BCAS3: variants seen among roughly 807,000 people sequenced by gnomAD.
BCAS3 encodes the protein BCAS3 microtubule associated cell migration factor.
In BCAS3, 53 loss-of-function variants were observed where a neutral mutation model predicts 116.1. That is an observed-to-expected ratio of 0.46 (90% CI 0.37 to 0.57). BCAS3 has a LOEUF of 0.57. BCAS3 is among the 20% of genes least tolerant of loss of function. BCAS3 has a pLI of 0.00. For synonymous variants in BCAS3, 391 were observed against 408.2 expected, an observed-to-expected ratio of 0.96 and a Z score of 0.51; for missense variants, 917 against 1,165.4, an observed-to-expected ratio of 0.79 and a Z score of 3.10.
chr17:60,978,571 C>T (rs904878033), intron 14 of BCAS3, among the ~76,000 whole-genome samples: 1 of 151,288 alleles, frequency 6.6e-6, no homozygotes, highest in African/African-American at 2.4e-5. Context: ...ACATGAAGTC[C>T]TTGCCCATGC....
At chr17:61,207,241 G>A (rs946831674) in intron 22 of BCAS3, among the ~76,000 whole-genome samples, 20 of 151,858 alleles carry the variant, frequency 1.3e-4, no homozygotes, top group African/African-American at 4.8e-4. Flanking sequence ...CCAGCCTATG[G>A]GTACAAGTGA....
intron 15 of BCAS3, among the ~76,000 whole-genome samples, chr17:60,996,069 A>G (rs1568070107): frequency 6.6e-6 from 1 of 152,168 alleles, no homozygotes; most frequent in African/African-American, 2.4e-5. Flanking sequence ...GCTGAAGCAC[A>G]TGGTGTAAGG....
intron 22 of BCAS3, among the ~76,000 whole-genome samples, chr17:61,201,141 A>C (rs1482823169): frequency 6.6e-6 from 1 of 152,262 alleles, no homozygotes; most frequent in Non-Finnish European, 1.5e-5. Flanking sequence ...CCTAAAACCA[A>C]ACAATGACAG....
In BCAS3 at chr17:61,017,411, C is replaced by A. The variant is rs969137927; in HGVS notation, c.1637+1510C>A. Among the ~76,000 whole-genome samples the A allele has an allele frequency of 2.0e-5, 3 of 152,132 alleles. No individual in the cohort carries two copies. The highest frequency in any genetic ancestry group is 4.4e-5 in the Non-Finnish European group (3 of 68,012). ...ATTGTACAATTCTCCAAAGTACTTA[C>A]AAATTTTAGCCTGTCTTTTCTGAAT... On this transcript the variant is annotated intron_variant, in intron 16 of 23. Coordinates refer to ENST00000407086, the MANE Select transcript of BCAS3 (RefSeq NM_017679.5). This position sits in a 1 kb window ranked among gnomAD's most constrained non-coding sequence, Gnocchi z 4.7.
rs2076172916 is a variant in BCAS3 at position 61,128,736 on chromosome 17, A to G, written c.2425+44172A>G. The G allele has an allele frequency of 2.0e-6, 1 of 492,246 alleles. No individual in the cohort carries two copies. The highest frequency in any genetic ancestry group is 2.6e-6 in the Non-Finnish European group (1 of 379,432). The allele number at this position is 492,246 out of a possible 1,614,324, so 30.5% of individuals were successfully genotyped here. On this transcript the variant is annotated intron_variant, in intron 22 of 23. Transcript: ENST00000407086. This position sits in a 1 kb window ranked among gnomAD's most constrained non-coding sequence, Gnocchi z 4.1. ...TCTCACAACATGATTTTGCATTTAC[A>G]TCATCGTGCTAGCTGGTAGAATTTT...
intron 22 of BCAS3, among the ~76,000 whole-genome samples, chr17:61,147,411 A>AG (rs1415692513): frequency 6.6e-6 from 1 of 151,732 alleles, no homozygotes; most frequent in Non-Finnish European, 1.5e-5. Flanking sequence ...TTTTGTAGAG[A>AG]GGGGGTTTCA....
At chr17:60,718,403 A>G (rs1012396421) in intron 5 of BCAS3, among the ~76,000 whole-genome samples, 4 of 152,098 alleles carry the variant, frequency 2.6e-5, no homozygotes, top group Non-Finnish European at 5.9e-5. Flanking sequence ...CTACTTTTGC[A>G]TGCATATAAT....
intron 22 of BCAS3, among the ~76,000 whole-genome samples, chr17:61,262,691 ATTTT>A (rs556925842): frequency 7.5e-6 from 1 of 132,844 alleles, no homozygotes; most frequent in Non-Finnish European, 1.6e-5. Flanking sequence ...AGGAGACTTA[ATTTT>A]TTTTTTTTTT....
intron 10 of BCAS3, among the ~76,000 whole-genome samples, chr17:60,894,813 T>A (rs1226171089): frequency 6.6e-6 from 1 of 152,256 alleles, no homozygotes; most frequent in Non-Finnish European, 1.5e-5. Context: ...TTCTTGTATC[T>A]ATTGAGATGA....
Position 61,323,654 on chromosome 17 carries a change from A to T in BCAS3, c.2426-44673A>T, listed in dbSNP as rs986324113. On this transcript the variant is annotated intron_variant, in intron 22 of 23. Transcript: ENST00000407086. This position sits in a 1 kb window ranked among gnomAD's most constrained non-coding sequence, Gnocchi z 4.6. The stretch of plus-strand genomic sequence containing the variant: ...GAGAAATTGGTGACCAAGGGTCTCC[A>T]GTTCCTTCCTCCATATGGCATCTCT... Among the ~76,000 whole-genome samples the T allele has an allele frequency of 2.6e-5, 4 of 152,208 alleles. No individual in the cohort carries two copies. Among genetic ancestry groups the T allele is most frequent in the African/African-American group, 9.6e-5 (4 of 41,464 alleles).
chr17:61,260,666 C>T (rs2049123647), intron 22 of BCAS3, among the ~76,000 whole-genome samples: 1 of 152,144 alleles, frequency 6.6e-6, no homozygotes, highest in Non-Finnish European at 1.5e-5. Flanking sequence ...CTTTCAGAGG[C>T]CAAGTCAGAC....
rs551902172 is a variant in BCAS3, at chr17:60,913,578, T to C, written c.993+2876T>C. 3.4e-3 allele frequency among the ~76,000 whole-genome samples: 518 copies of C among 152,242 alleles called. 3 individuals carry two copies. The highest frequency in any genetic ancestry group is 0.017 in the Middle Eastern group (5 of 294). ...ATTAAAACTGCAGTGGTTAATGTCT[T>C]AGATTTATCGCTTTTAGCCCCTTCC... On this transcript the variant is annotated intron_variant, in intron 12 of 23. Coordinates refer to ENST00000407086, the MANE Select transcript of BCAS3 (RefSeq NM_017679.5).
Position 61,198,132 on chromosome 17 carries a change from G to GTTT in BCAS3, c.2425+113578_2425+113580dup, listed in dbSNP as rs11311858. Among the ~76,000 whole-genome samples, 2 of 143,672 alleles carry GTTT rather than the reference G, an allele frequency of 1.4e-5. No homozygotes were observed. The highest frequency in any genetic ancestry group is 1.5e-5 in the Non-Finnish European group (1 of 65,470). The allele number at this position is 143,672 out of a possible 152,430, so 94.3% of individuals were successfully genotyped here. On this transcript the variant is annotated intron_variant, in intron 22 of 23. Transcript: ENST00000407086. This position sits in a 1 kb window ranked among gnomAD's most constrained non-coding sequence, Gnocchi z 5.0. Reference sequence around the variant, plus strand: ...GCGATTAAGATAAAGTGCAAGATATGTTTTTTTTTTTTCTTTTTTTTTTTT... The same window carrying GTTT: ...GCGATTAAGATAAAGTGCAAGATATGTTTTTTTTTTTTTTTCTTTTTTTTTTTT...
At chr17:61,194,466 G>A (rs952773172) in intron 22 of BCAS3, among the ~76,000 whole-genome samples, 2 of 152,046 alleles carry the variant, frequency 1.3e-5, no homozygotes, top group African/African-American at 2.4e-5. Flanking sequence ...TAAGCCGGGC[G>A]CAGTGGCTCA....
chr17:60,873,351 T>G (rs1332219247), intron 8 of BCAS3, among the ~76,000 whole-genome samples: 1 of 152,182 alleles, frequency 6.6e-6, no homozygotes, highest in East Asian at 1.9e-4. Context: ...ATGAACAAAA[T>G]TAATAAAGCA....
chr17:61,235,765 C>CA lies in BCAS3; in HGVS notation c.2426-132558dup. On this transcript the variant is annotated intron_variant, in intron 22 of 23. Transcript: ENST00000407086. The surrounding 1 kb of genome is among the most constrained non-coding windows in gnomAD (Gnocchi z 5.0). ...GGGAAAAAAATGGTTAGGGAGGCTG[C>CA]AAAAGAGATGTGGAGACTGGGGGAA... 6.6e-6 allele frequency among the ~76,000 whole-genome samples: 1 copy of CA among 150,886 alleles called. No individual in the cohort carries two copies. Among genetic ancestry groups the CA allele is most frequent in the Non-Finnish European group, 1.5e-5 (1 of 67,854 alleles).
intron 4 of BCAS3, among the ~76,000 whole-genome samples, chr17:60,708,897 G>A (rs2037512698): frequency 1.3e-5 from 2 of 152,122 alleles, no homozygotes; most frequent in Non-Finnish European, 2.9e-5. Flanking sequence ...GGCCTCAGGT[G>A]ATCCTTCTAC....
intron 23 of BCAS3, among the ~76,000 whole-genome samples, chr17:61,375,868 G>A (rs964064036): frequency 9.2e-5 from 14 of 152,042 alleles, no homozygotes; most frequent in African/African-American, 2.9e-4. Context: ...CCACCACACC[G>A]GGCCAATTAT....
chr17:61,353,124 T>G (rs1431570640), intron 22 of BCAS3, among the ~76,000 whole-genome samples: 1 of 152,178 alleles, frequency 6.6e-6, no homozygotes, highest in Non-Finnish European at 1.5e-5. Flanking sequence ...AAGACCGATG[T>G]GCAAGACCAA....
Sources: allele counts gnomAD v4.1 joint callset (sites outside exome capture counted in the v4.1 genomes callset), GRCh38; gene constraint gnomAD v4.1.1; non-coding constraint Gnocchi (gnomAD v3.1); transcripts MANE v1.5; gene names NCBI Gene and HGNC (gene_info 2026-07-23, HGNC 2026-07-21).